The following PREP variants were observed in gnomAD, a reference collection of about 807,000 sequenced individuals.
The protein encoded by PREP is prolyl endopeptidase.
PREP carries 29 observed loss-of-function variants against 87.6 expected under a neutral mutation model. The ratio of observed to expected loss-of-function variants is 0.33; its 90% confidence interval spans 0.25 to 0.45. The LOEUF (loss-of-function observed/expected upper bound fraction) is 0.45, where lower values mean the gene tolerates loss of function less well. Ranked by LOEUF, PREP falls within the 20% of genes least tolerant of loss-of-function variation. The pLI, the probability that PREP is intolerant of heterozygous loss-of-function variation, is 1.00. For synonymous variants in PREP, 337 were observed against 328.6 expected (o/e 1.03, Z -0.28); for missense variants, 695 against 886.5 (o/e 0.78, Z 2.74).
In PREP at chr6:105,377,531, T is replaced by G; in HGVS notation, c.121-12A>C. 1 of 1,609,002 alleles carries G rather than the reference T, an allele frequency of 6.2e-7. No individual in the cohort carries two copies. Among genetic ancestry groups the G allele is most frequent in the South Asian group, 1.1e-5 (1 of 89,740 alleles). On this transcript the variant is annotated splice_polypyrimidine_tract_variant and intron_variant, in intron 2 of 14. Coordinates refer to ENST00000652536, the MANE Select transcript of PREP (RefSeq NM_002726.5). ...GCCTCCACAAAGGCCTGTGGAGAAA[T>G]TAAAATGGACAAAGCAAGTTAAATA...
chr6:105,402,032 T>C (rs1460460940), intron 1 of PREP, among the ~76,000 whole-genome samples: 1 of 152,198 alleles, frequency 6.6e-6, no homozygotes, highest in African/African-American at 2.4e-5. Context: ...AAAAGGTGTC[T>C]GCCCAGAATT....
intron 10 of PREP, among the ~76,000 whole-genome samples, chr6:105,294,915 G>A (rs17065760): frequency 0.014 from 2,110 of 152,158 alleles, 42 homozygotes; most frequent in African/African-American, 0.049. Flanking sequence ...GCCCAGCTTG[G>A]GACCCTTGGA....
At chr6:105,391,153 A>AGG (rs879903552) in intron 2 of PREP, among the ~76,000 whole-genome samples, 63,781 of 150,440 alleles carry the variant, frequency 0.42, 16,865 homozygotes, top group African/African-American at 0.75. Context: ...TGAGGCCTCA[A>AGG]GTGGATCACT....
intron 7 of PREP, among the ~76,000 whole-genome samples, chr6:105,339,864 G>C (rs1771589342): frequency 6.6e-6 from 1 of 152,114 alleles, no homozygotes; most frequent in South Asian, 2.1e-4. Context: ...AACAAACAAA[G>C]CTCCCAAGAA....
At chr6:105,375,005 C>T (rs1180550687) in intron 4 of PREP, among the ~76,000 whole-genome samples, 1 of 152,060 alleles carries the variant, frequency 6.6e-6, no homozygotes, top group Non-Finnish European at 1.5e-5. Context: ...AAATGAATTC[C>T]TATATGGGAT....
intron 2 of PREP, among the ~76,000 whole-genome samples, chr6:105,389,630 G>A (rs762798354): frequency 6.6e-6 from 1 of 152,098 alleles, no homozygotes; most frequent in Non-Finnish European, 1.5e-5. Flanking sequence ...AACCCCTCAC[G>A]TACTGCAATT....
In PREP at chr6:105,386,669, T is replaced by C. The variant is rs1477917052; in HGVS notation, c.121-9150A>G. Among the ~76,000 whole-genome samples the C allele has an allele frequency of 3.9e-5, 6 of 152,220 alleles. No individual in the cohort carries two copies. In the South Asian group the frequency reaches 1.2e-3, roughly 32 times the overall value. ...AAAAAAATGAAAGGTATTATAATTG[T>C]TCTTTAATCAAGTAATCTAAGTATT... On this transcript the variant is annotated intron_variant, in intron 2 of 14. Coordinates refer to ENST00000652536, the MANE Select transcript of PREP (RefSeq NM_002726.5).
At chr6:105,317,230 T>A (rs116675302) in intron 10 of PREP, among the ~76,000 whole-genome samples, 147 of 152,184 alleles carry the variant, frequency 9.7e-4, no homozygotes, top group African/African-American at 3.4e-3. Flanking sequence ...AGTGCTGGGA[T>A]TCCAGCTATA....
chr6:105,402,433 C>A (rs1773459761), intron 1 of PREP, among the ~76,000 whole-genome samples: 1 of 151,174 alleles, frequency 6.6e-6, no homozygotes, highest in South Asian at 2.1e-4. Context: ...CACACACACA[C>A]ACACACACAC....
At chr6:105,320,793 T>C (rs929291982) in intron 10 of PREP, among the ~76,000 whole-genome samples, 2 of 152,130 alleles carry the variant, frequency 1.3e-5, no homozygotes, top group Non-Finnish European at 2.9e-5. Flanking sequence ...CCTAAAGTAA[T>C]TGAAAATGAA....
chr6:105,286,916 A>G (rs939132501), intron 11 of PREP, among the ~76,000 whole-genome samples: 2 of 152,118 alleles, frequency 1.3e-5, no homozygotes, highest in African/African-American at 4.8e-5. Flanking sequence ...TGTTGTCTTG[A>G]TCCTGGACCA....
At chr6:105,288,510 C>G (rs375400131) in intron 11 of PREP, among the ~76,000 whole-genome samples, 1 of 152,152 alleles carries the variant, frequency 6.6e-6, no homozygotes, top group Non-Finnish European at 1.5e-5. Context: ...TCCGCCACCA[C>G]GTCCAGCTAA....
intron 7 of PREP, among the ~76,000 whole-genome samples, chr6:105,348,921 C>T (rs976159216): frequency 6.6e-6 from 1 of 151,642 alleles, no homozygotes; most frequent in African/African-American, 2.4e-5. Context: ...TAGCCCCTGA[C>T]AGGGACCTCT....
intron 7 of PREP, among the ~76,000 whole-genome samples, chr6:105,336,616 C>T (rs570440149): frequency 7.4e-4 from 113 of 152,166 alleles, no homozygotes; most frequent in Non-Finnish European, 1.3e-3. Context: ...GCTTTAAAGT[C>T]TACTTTCATA....
rs1241127526 is a variant in PREP at position 105,307,618 on chromosome 6, ATTCTT to A, written c.1317+16042_1317+16046del. Among the ~76,000 whole-genome samples the A allele has an allele frequency of 2.0e-5, 3 of 152,260 alleles. No individual in the cohort carries two copies. In the South Asian group the frequency reaches 6.2e-4, roughly 32 times the overall value. On this transcript the variant is annotated intron_variant, in intron 10 of 14. Transcript: ENST00000652536. ...GCTTAAGCAATGTTTTCACTCAGTC[ATTCTT>A]TTCTTTTGAGATGGAGTCTTGCTCT...
At chr6:105,318,745 T>G (rs979299322) in intron 10 of PREP, among the ~76,000 whole-genome samples, 2 of 152,214 alleles carry the variant, frequency 1.3e-5, no homozygotes, top group African/African-American at 4.8e-5. Context: ...AGTTTCTTTT[T>G]GAAAATGCTG....
At chr6:105,367,977 C>T (rs183828151) in intron 6 of PREP, among the ~76,000 whole-genome samples, 148 of 152,216 alleles carry the variant, frequency 9.7e-4, no homozygotes, top group African/African-American at 3.2e-3. Context: ...TCTAGAAAAC[C>T]CAAATAAATA....
At chr6:105,368,169 T>C (rs1772443448) in intron 6 of PREP, among the ~76,000 whole-genome samples, 1 of 152,226 alleles carries the variant, frequency 6.6e-6, no homozygotes. Context: ...AAGTTTGTAG[T>C]ACATTTCTCA....
chr6:105,354,882 C>T (rs1014056461), intron 6 of PREP, among the ~76,000 whole-genome samples: 10 of 152,126 alleles, frequency 6.6e-5, no homozygotes, highest in Admixed American at 5.9e-4. Flanking sequence ...TTCATTTGCT[C>T]CTTCAATAAA....
Sources: allele counts gnomAD v4.1 joint callset (sites outside exome capture counted in the v4.1 genomes callset), GRCh38; gene constraint gnomAD v4.1.1; transcripts MANE v1.5; gene names NCBI Gene and HGNC (gene_info 2026-07-23, HGNC 2026-07-21).